The following MMAB variants were observed in gnomAD, a reference collection of about 807,000 sequenced individuals.
MMAB encodes the protein corrinoid adenosyltransferase MMAB.
In MMAB, 17 loss-of-function variants were observed where a neutral mutation model predicts 30.6. That is an observed-to-expected ratio of 0.56 (90% CI 0.38 to 0.83). The LOEUF (loss-of-function observed/expected upper bound fraction) is 0.83. Among genes scored for constraint, MMAB ranks in the 40% least tolerant of loss-of-function variants. MMAB has a pLI of 0.00. For missense variants in MMAB, 311 were observed against 331.6 expected (o/e 0.94, Z 0.48); for synonymous variants, 134 against 138.6 (o/e 0.97, Z 0.23).
chr12:109,567,394 G>T (rs1279368669), intron 3 of MMAB, among the ~76,000 whole-genome samples: 1 of 152,148 alleles, frequency 6.6e-6, no homozygotes, highest in African/African-American at 2.4e-5. Flanking sequence ...CTGAAAATTT[G>T]CAGCTGGGTC....
rs1555273916 is a variant in MMAB, at chr12:109,556,648, T to TCTCTCTCA, written c.*379_*380insTGAGAGAG. On this transcript the variant is annotated 3_prime_UTR_variant, in exon 9 of 9. Transcript: ENST00000545712. ...GAGCTGGCAGTGGGAGGGCTCTCTC[T>TCTCTCTCA]CACACACACACACACACACACACAC... 39 of 328,372 alleles carry TCTCTCTCA rather than the reference T, an allele frequency of 1.2e-4. 1 individual carries two copies. The highest frequency in any genetic ancestry group is 1.0e-3 in the African/African-American group (34 of 34,040). 20.3% of individuals were successfully genotyped at this position (328,372 alleles called of 1,614,324 possible). A position where few individuals can be genotyped will look rare whatever the true frequency, so the allele number is the denominator to read the frequency against.
At position 109,571,709 on chromosome 12, in the gene MMAB, G is replaced by T. The variant is rs1208127660; in HGVS notation, c.136C>A (p.Pro46Thr). 1.9e-6 allele frequency: 3 copies of T among 1,613,740 alleles called. No homozygotes were observed. In the South Asian group the frequency reaches 3.3e-5, roughly 18 times the overall value. Residue 46 changes from proline (P) to threonine (T), a missense_variant and splice_region_variant, in exon 2 of 9, where the codon CCA (proline) becomes ACA (threonine). By Grantham distance (38) the Pro-to-Thr change is conservative. Transcript: ENST00000545712. ...CTGGGTGTCTTCGAGGAAGGCTGTG[G>T]CCTAATGAGAAATAAACATCAGTAT... is the stretch of plus-strand genomic sequence containing the variant. ...GPQGVEDGDR[P>T]QPSSKTPRIP...
chr12:109,558,789 T>G lies in MMAB; in HGVS notation c.644+307A>C, dbSNP rs1323300052. Among the ~76,000 whole-genome samples the G allele has an allele frequency of 2.6e-5, 4 of 151,856 alleles. No homozygotes were observed. The highest frequency in any genetic ancestry group is 2.9e-5 in the Non-Finnish European group (2 of 67,968). Reference sequence around the variant, plus strand: ...AGGCCTCCCCTGAGCACCCAGCCTCTAAGAACGCCCTTTGCCCCCGCAATG... The same window carrying G: ...AGGCCTCCCCTGAGCACCCAGCCTCGAAGAACGCCCTTTGCCCCCGCAATG... On this transcript the variant is annotated intron_variant, in intron 8 of 8. Transcript: ENST00000545712. The surrounding 1 kb of genome is among the most constrained non-coding windows in gnomAD (Gnocchi z 4.3).
rs1208137855 is a variant in MMAB, at chr12:109,561,757, A to T, written c.421+23T>A. The T allele has an allele frequency of 2.5e-6, 4 of 1,595,212 alleles. No individual in the cohort carries two copies. Among genetic ancestry groups the T allele is most frequent in the Non-Finnish European group, 2.6e-6 (3 of 1,169,326 alleles). ...CCCCTGACCCTAGGGCCCTCTGAAC[A>T]CCCACAGGAGTTTGAGAATTACTTA... On this transcript the variant is annotated intron_variant, in intron 5 of 8. Transcript: ENST00000545712. This position sits in a 1 kb window ranked among gnomAD's most constrained non-coding sequence, Gnocchi z 5.3.
At position 109,558,633 on chromosome 12, in the gene MMAB, C is replaced by G. The variant is rs1884070639; in HGVS notation, c.644+463G>C. 6.6e-6 allele frequency among the ~76,000 whole-genome samples: 1 copy of G among 152,034 alleles called. No homozygotes were observed. Among genetic ancestry groups the G allele is most frequent in the African/African-American group, 2.4e-5 (1 of 41,402 alleles). ...CTGGGCTAGCCTGGCTCACTGGGGC[C>G]TGCATGGGGTCCCCTGAGCGCAGCT... On this transcript the variant is annotated intron_variant, in intron 8 of 8. Transcript: ENST00000545712. This position sits in a 1 kb window ranked among gnomAD's most constrained non-coding sequence, Gnocchi z 4.3.
In MMAB at chr12:109,555,449, ATT is replaced by A. The variant is rs34507867; in HGVS notation, c.*1577_*1578del. ...AGGCACCCGCCACCATGCCCAGCTA[ATT>A]TTTTTTTTTTTTTTTTTTTTTTAGC... On this transcript the variant is annotated 3_prime_UTR_variant, in exon 9 of 9. Coordinates refer to ENST00000545712, the MANE Select transcript of MMAB (RefSeq NM_052845.4). 0.16 allele frequency: 49,690 copies of A among 310,596 alleles called. 668 individuals are homozygous for A. Among genetic ancestry groups the A allele is most frequent in the Middle Eastern group, 0.19 (166 of 894 alleles). 19.2% of individuals were successfully genotyped at this position (310,596 alleles called of 1,614,324 possible).
chr12:109,566,418 GGT>G (rs1221107953), intron 3 of MMAB, among the ~76,000 whole-genome samples: 1 of 152,242 alleles, frequency 6.6e-6, no homozygotes, highest in Non-Finnish European at 1.5e-5. Context: ...ATTCCCGTCT[GGT>G]GTGTCTTCCC....
At chr12:109,560,971 CT>C in intron 7 of MMAB, 68 bp downstream of exon 7, 25 of 560,928 alleles carry the variant, frequency 4.5e-5, no homozygotes, top group South Asian at 1.3e-4. Flanking sequence ...TCCTCTCCCT[CT>C]CCCTCCCCCC....
intron 3 of MMAB, among the ~76,000 whole-genome samples, chr12:109,565,909 C>G (rs914815140): frequency 1.3e-5 from 2 of 152,210 alleles, no homozygotes; most frequent in African/African-American, 4.8e-5. Context: ...CAGAACCCTG[C>G]ACTTCCCTCC....
At chr12:109,559,236 T>G (rs1884103807) in intron 7 of MMAB, 81 bp from the exon 8 acceptor site, 13 of 1,050,168 alleles carry the variant, frequency 1.2e-5, no homozygotes, top group Non-Finnish European at 3.0e-6. Flanking sequence ...TTGAGCAGCA[T>G]TTCACATCCT....
intron 4 of MMAB, among the ~76,000 whole-genome samples, chr12:109,564,136 G>A (rs1348855273): frequency 1.3e-5 from 2 of 152,200 alleles, no homozygotes; most frequent in Admixed American, 6.5e-5. Context: ...ATTCAAGGCC[G>A]GGTCATTCTT....
Position 109,555,904 on chromosome 12 carries a change from C to T in MMAB, c.*1124G>A, listed in dbSNP as rs1027707397. The T allele has an allele frequency of 8.8e-6, 4 of 453,988 alleles. No individual in the cohort carries two copies. The highest frequency in any genetic ancestry group is 1.8e-5 in the Non-Finnish European group (4 of 226,804). 28.1% of individuals were successfully genotyped at this position (453,988 alleles called of 1,614,324 possible). On this transcript the variant is annotated 3_prime_UTR_variant, in exon 9 of 9. Coordinates refer to ENST00000545712, the MANE Select transcript of MMAB (RefSeq NM_052845.4). ...GAAAGACCAGCTGTCCCGAGCCTAGCGCGGTGGCCCATGCTAAGCAGCCAC... is the reference window on the plus strand; with the variant it reads ...GAAAGACCAGCTGTCCCGAGCCTAGTGCGGTGGCCCATGCTAAGCAGCCAC...
chr12:109,565,282 C>G, intron 3 of MMAB, 106 bp from the exon 4 acceptor site: 3 of 828,278 alleles, frequency 3.6e-6, no homozygotes, highest in Non-Finnish European at 6.3e-6. Context: ...GTTAATTTAG[C>G]TATAATAGCC....
At chr12:109,562,210 C>A (rs1388916770) in intron 4 of MMAB, among the ~76,000 whole-genome samples, 4 of 152,220 alleles carry the variant, frequency 2.6e-5, no homozygotes, top group Non-Finnish European at 5.9e-5. Flanking sequence ...GATGTACCTG[C>A]TTCCCCTTTG....
chr12:109,561,337 A>C lies in MMAB; in HGVS notation c.519+83T>G. On this transcript the variant is annotated intron_variant, in intron 6 of 8. Coordinates refer to ENST00000545712, the MANE Select transcript of MMAB (RefSeq NM_052845.4). The surrounding 1 kb of genome is among the most constrained non-coding windows in gnomAD (Gnocchi z 5.3). Reference sequence around the variant, plus strand: ...GGAGGACAGCGTCTGTCACTGTGAAAAGAGGGATTTATTCAGAGCCCATGT... The same window carrying C: ...GGAGGACAGCGTCTGTCACTGTGAACAGAGGGATTTATTCAGAGCCCATGT... 1 of 1,542,010 alleles carries C rather than the reference A, an allele frequency of 6.5e-7. No individual in the cohort carries two copies. Among genetic ancestry groups the C allele is most frequent in the Non-Finnish European group, 8.7e-7 (1 of 1,147,876 alleles).
At chr12:109,563,742 G>A (rs915732137) in intron 4 of MMAB, among the ~76,000 whole-genome samples, 34 of 152,372 alleles carry the variant, frequency 2.2e-4, no homozygotes, top group Middle Eastern at 6.8e-3. Context: ...TGGCAGCTGA[G>A]GCTTCCTCCT....
In MMAB at chr12:109,558,681, C is replaced by T. The variant is rs961687150; in HGVS notation, c.644+415G>A. ...GCTTGGCCCGGCTCTCTTGTTGGTT[C>T]ATGCTGCCGCAGGCCCTCTCGGGGA... On this transcript the variant is annotated intron_variant, in intron 8 of 8. Coordinates refer to ENST00000545712, the MANE Select transcript of MMAB (RefSeq NM_052845.4). This position sits in a 1 kb window ranked among gnomAD's most constrained non-coding sequence, Gnocchi z 4.3. 2.0e-5 allele frequency among the ~76,000 whole-genome samples: 3 copies of T among 152,026 alleles called. No individual in the cohort carries two copies. The highest frequency in any genetic ancestry group is 4.4e-5 in the Non-Finnish European group (3 of 67,978).
intron 4 of MMAB, among the ~76,000 whole-genome samples, chr12:109,564,498 C>G (rs570566218): frequency 6.6e-6 from 1 of 151,984 alleles, no homozygotes; most frequent in African/African-American, 2.4e-5. Flanking sequence ...ATTCTCCCAC[C>G]TCAGCCTTGT....
At position 109,553,887 on chromosome 12, in the gene MMAB, G is replaced by C; in HGVS notation, c.*3141C>G. ...CAGCAAGGGTGACATTGCCACTGAC[G>C]GGGGCTTCCGAACTGGGGACGTTTG... is the stretch of plus-strand genomic sequence containing the variant. On this transcript the variant is annotated 3_prime_UTR_variant, in exon 9 of 9. Transcript: ENST00000545712. 1 of 454,118 alleles carries C rather than the reference G, an allele frequency of 2.2e-6. No homozygotes were observed. The highest frequency in any genetic ancestry group is 4.4e-6 in the Non-Finnish European group (1 of 226,804). 28.1% of individuals were successfully genotyped at this position (454,118 alleles called of 1,614,324 possible). A position where few individuals can be genotyped will look rare whatever the true frequency, so the allele number is the denominator to read the frequency against.
Sources: allele counts gnomAD v4.1 joint callset (sites outside exome capture counted in the v4.1 genomes callset), GRCh38; gene constraint gnomAD v4.1.1; non-coding constraint Gnocchi (gnomAD v3.1); transcripts MANE v1.5; gene names NCBI Gene and HGNC (gene_info 2026-07-23, HGNC 2026-07-21).